The following ARFIP1 variants were observed in gnomAD, a reference collection of about 807,000 sequenced individuals.
ARFIP1 encodes ARF interacting protein 1, also known as arfaptin-1.
A neutral mutation model predicts 42.5 loss-of-function variants in ARFIP1; 24 were observed. The observed-to-expected ratio is 0.57, with a 90% CI of 0.41 to 0.80. ARFIP1 has a LOEUF of 0.80. ARFIP1 is among the 30% of genes least tolerant of loss of function. The pLI, the probability that ARFIP1 is intolerant of heterozygous loss-of-function variation, is 0.00. For synonymous variants in ARFIP1, 141 were observed against 153.7 expected, an observed-to-expected ratio of 0.92 and a Z score of 0.61; for missense variants, 354 against 434.0, an observed-to-expected ratio of 0.82 and a Z score of 1.64.
chr4:152,806,244 A>G (rs1349274949), intron 1 of ARFIP1, among the ~76,000 whole-genome samples: 1 of 152,226 alleles, frequency 6.6e-6, no homozygotes, highest in Non-Finnish European at 1.5e-5. Flanking sequence ...ACTTAGAACT[A>G]TGCAGTCATT....
intron 2 of ARFIP1, among the ~76,000 whole-genome samples, chr4:152,844,432 G>C (rs1479518110): frequency 6.6e-6 from 1 of 152,134 alleles, no homozygotes; most frequent in Non-Finnish European, 1.5e-5. Flanking sequence ...TGAGTTATTT[G>C]CTTATTCAAA....
chr4:152,878,309 C>A (rs1363151150), intron 5 of ARFIP1, among the ~76,000 whole-genome samples: 1 of 152,162 alleles, frequency 6.6e-6, no homozygotes, highest in Non-Finnish European at 1.5e-5. Context: ...TAATTCTCTT[C>A]CATTTTGAAC....
chr4:152,830,334 A>T (rs1731166519), intron 2 of ARFIP1, among the ~76,000 whole-genome samples: 1 of 152,108 alleles, frequency 6.6e-6, no homozygotes, highest in Non-Finnish European at 1.5e-5. Context: ...TTGTTTTCTA[A>T]TCTCTACAAT....
At chr4:152,885,830 C>T (rs1011075617) in intron 7 of ARFIP1, among the ~76,000 whole-genome samples, 8 of 151,748 alleles carry the variant, frequency 5.3e-5, no homozygotes, top group Admixed American at 1.3e-4. Context: ...AGTGTGCTTG[C>T]TTCTAGATAC....
chr4:152,866,706 G>A (rs1163278118), intron 3 of ARFIP1, among the ~76,000 whole-genome samples: 1 of 151,896 alleles, frequency 6.6e-6, no homozygotes, highest in Non-Finnish European at 1.5e-5. Context: ...CAGACGGGGT[G>A]GCTGCCAGGC....
intron 1 of ARFIP1, among the ~76,000 whole-genome samples, chr4:152,800,486 A>G (rs1728316264): frequency 6.6e-6 from 1 of 152,162 alleles, no homozygotes; most frequent in African/African-American, 2.4e-5. Flanking sequence ...AATTTAGGAA[A>G]CTGTATAGAA....
chr4:152,847,411 G>A (rs921035469), intron 2 of ARFIP1, among the ~76,000 whole-genome samples: 1 of 151,922 alleles, frequency 6.6e-6, no homozygotes, highest in African/African-American at 2.4e-5. Context: ...GGGATTACAG[G>A]CATGAGCCAC....
chr4:152,815,738 C>CTTTTTTTTTTTTT (rs1218298842), intron 1 of ARFIP1, among the ~76,000 whole-genome samples: 2 of 85,550 alleles, frequency 2.3e-5, no homozygotes, highest in African/African-American at 4.4e-5. Context: ...CTGACCACTT[C>CTTTTTTTTTTTTT]TTTTTTTTTT....
chr4:152,786,033 C>T (rs529858038), intron 1 of ARFIP1, among the ~76,000 whole-genome samples: 1 of 152,284 alleles, frequency 6.6e-6, no homozygotes, highest in South Asian at 2.1e-4. Context: ...AATCTGCTAC[C>T]CATGGTGCCT....
At chr4:152,859,234 T>C (rs546106082) in intron 2 of ARFIP1, among the ~76,000 whole-genome samples, 1 of 152,272 alleles carries the variant, frequency 6.6e-6, no homozygotes, top group South Asian at 2.1e-4. Flanking sequence ...GCTGAATTTT[T>C]GTATTTTTTT....
At chr4:152,886,007 C>T (rs1736230543) in intron 7 of ARFIP1, among the ~76,000 whole-genome samples, 1 of 151,906 alleles carries the variant, frequency 6.6e-6, no homozygotes, top group Admixed American at 6.6e-5. Context: ...AGAATAGAGC[C>T]AAAAGGCAGA....
chr4:152,897,638 G>C (rs577751638), intron 8 of ARFIP1, among the ~76,000 whole-genome samples: 1 of 152,094 alleles, frequency 6.6e-6, no homozygotes, highest in Non-Finnish European at 1.5e-5. Flanking sequence ...AATCATTATT[G>C]CTGTGATGTA....
intron 2 of ARFIP1, among the ~76,000 whole-genome samples, chr4:152,836,045 C>T (rs1731621554): frequency 6.6e-6 from 1 of 152,158 alleles, no homozygotes; most frequent in Admixed American, 6.5e-5. Context: ...CAGTCACCTC[C>T]CTCCTAGCAC....
At chr4:152,803,253 G>A (rs928276493) in intron 1 of ARFIP1, among the ~76,000 whole-genome samples, 12 of 152,110 alleles carry the variant, frequency 7.9e-5, no homozygotes, top group African/African-American at 2.7e-4. Flanking sequence ...GGACAGGAGG[G>A]AAGCTGTTCT....
At chr4:152,819,046 T>C (rs2149838125) in intron 1 of ARFIP1, among the ~76,000 whole-genome samples, 1 of 152,234 alleles carries the variant, frequency 6.6e-6, no homozygotes, top group South Asian at 2.1e-4. Context: ...GCCCTGGTCG[T>C]GTAACACAAT....
chr4:152,909,914 A>T, intron 8 of ARFIP1, 150 bp from the exon 9 acceptor site: 1 of 977,546 alleles, frequency 1.0e-6, no homozygotes, highest in Non-Finnish European at 1.5e-6. Context: ...AAGGCAGTGT[A>T]CACTTGGTAT....
chr4:152,833,955 C>G (rs1251691006), intron 2 of ARFIP1, among the ~76,000 whole-genome samples: 1 of 152,182 alleles, frequency 6.6e-6, no homozygotes, highest in Non-Finnish European at 1.5e-5. Flanking sequence ...GCTCACAGTT[C>G]TGCAGGCTGT....
At chr4:152,788,493 A>G (rs1478796529) in intron 1 of ARFIP1, among the ~76,000 whole-genome samples, 1 of 152,126 alleles carries the variant, frequency 6.6e-6, no homozygotes, top group African/African-American at 2.4e-5. Flanking sequence ...CAGCCTGGGC[A>G]ACATGGTGAA....
intron 1 of ARFIP1, among the ~76,000 whole-genome samples, chr4:152,813,854 G>A (rs1345145978): frequency 6.6e-6 from 1 of 152,090 alleles, no homozygotes; most frequent in African/African-American, 2.4e-5. Context: ...AAAAAATAGG[G>A]TTATTTTTTG....
Sources: gnomAD v4.1 joint callset for allele counts (sites outside exome capture counted in the v4.1 genomes callset) on GRCh38, gnomAD v4.1.1 for gene constraint, MANE v1.5 for transcripts, NCBI Gene and HGNC (gene_info 2026-07-23, HGNC 2026-07-21) for gene names.